The following TCERG1L variants were observed in gnomAD, a reference collection of about 807,000 sequenced individuals.
TCERG1L encodes the protein transcription elongation regulator 1 like, also known as transcription elongation regulator 1-like protein.
In TCERG1L, 37 loss-of-function variants were observed where a neutral mutation model predicts 56.3. That is an observed-to-expected ratio of 0.66 (90% CI 0.51 to 0.87). TCERG1L has a LOEUF of 0.87. TCERG1L is among the 40% of genes least tolerant of loss of function. The probability of loss-of-function intolerance (pLI) is 0.00; values close to 1 mark genes in which losing one functional copy is unlikely to be tolerated. For synonymous variants in TCERG1L, 324 were observed against 326.3 expected (o/e 0.99, Z 0.08); for missense variants, 799 against 774.2 (o/e 1.03, Z -0.38).
At chr10:131,266,590 AGAG>A (rs1174551930) in intron 3 of TCERG1L, among the ~76,000 whole-genome samples, 2 of 152,174 alleles carry the variant, frequency 1.3e-5, no homozygotes, top group Non-Finnish European at 2.9e-5. Flanking sequence ...AGCAAGACAA[AGAG>A]GAGCTTTATT....
intron 4 of TCERG1L, among the ~76,000 whole-genome samples, chr10:131,256,742 G>A (rs932056675): frequency 1.4e-4 from 21 of 151,604 alleles, no homozygotes; most frequent in African/African-American, 4.6e-4. Flanking sequence ...AAATTACCTG[G>A]GCATGGGGGT....
At chr10:131,167,354 A>C (rs1215027064) in intron 4 of TCERG1L, among the ~76,000 whole-genome samples, 1 of 152,182 alleles carries the variant, frequency 6.6e-6, no homozygotes, top group Admixed American at 6.5e-5. Context: ...TGCTGTGCCC[A>C]GGTGTGTGGA....
chr10:131,177,226 A>G (rs1367047518), intron 4 of TCERG1L, among the ~76,000 whole-genome samples: 1 of 152,188 alleles, frequency 6.6e-6, no homozygotes, highest in Non-Finnish European at 1.5e-5. Flanking sequence ...ACATATATGA[A>G]GACACACACA....
intron 4 of TCERG1L, among the ~76,000 whole-genome samples, chr10:131,233,734 C>CA (rs1298026623): frequency 1.3e-5 from 2 of 152,140 alleles, no homozygotes; most frequent in Admixed American, 6.5e-5. Context: ...AGTTACTTAA[C>CA]TCCTGCTATG....
At chr10:131,155,676 C>A (rs952969831) in intron 6 of TCERG1L, among the ~76,000 whole-genome samples, 3 of 152,314 alleles carry the variant, frequency 2.0e-5, no homozygotes, top group Admixed American at 1.3e-4. Flanking sequence ...CGGCCCCATG[C>A]AGGCAGGGGG....
intron 9 of TCERG1L, among the ~76,000 whole-genome samples, chr10:131,107,697 T>A (rs947867389): frequency 5.9e-5 from 9 of 151,766 alleles, no homozygotes; most frequent in African/African-American, 2.2e-4. Context: ...GCCCAGAGAG[T>A]ACATTCCATG....
intron 4 of TCERG1L, among the ~76,000 whole-genome samples, chr10:131,235,170 A>G (rs1314049516): frequency 6.6e-6 from 1 of 152,182 alleles, no homozygotes; most frequent in Non-Finnish European, 1.5e-5. Context: ...TAAAATCATC[A>G]ACCATGAAAA....
rs545427861 is a variant in TCERG1L at position 131,310,995 on chromosome 10, C to T, written c.342+299G>A. Among the ~76,000 whole-genome samples the T allele has an allele frequency of 4.6e-3, 707 of 152,350 alleles. 5 individuals carry two copies. The highest frequency in any genetic ancestry group is 7.6e-3 in the Non-Finnish European group (520 of 68,034). ...TTCAGCACCTCGCGATGGACAGTGACCCCCGGCGTGGCGCGAGTTCCCTGC... is the reference window on the plus strand; with the variant it reads ...TTCAGCACCTCGCGATGGACAGTGATCCCCGGCGTGGCGCGAGTTCCCTGC... On this transcript the variant is annotated intron_variant, in intron 1 of 11. Coordinates refer to ENST00000368642, the MANE Select transcript of TCERG1L (RefSeq NM_174937.4).
At chr10:131,243,003 T>C (rs1435165869) in intron 4 of TCERG1L, among the ~76,000 whole-genome samples, 2 of 152,214 alleles carry the variant, frequency 1.3e-5, no homozygotes, top group African/African-American at 4.8e-5. Context: ...GTCACCATTT[T>C]GTGAAACTCA....
chr10:131,251,310 C>T (rs971172427), intron 4 of TCERG1L, among the ~76,000 whole-genome samples: 2 of 150,364 alleles, frequency 1.3e-5, no homozygotes, highest in Non-Finnish European at 3.0e-5. Flanking sequence ...CCCCTCCCCC[C>T]GGCCCCTCCT....
At chr10:131,158,106 A>G (rs573894224) in intron 6 of TCERG1L, among the ~76,000 whole-genome samples, 4 of 152,388 alleles carry the variant, frequency 2.6e-5, no homozygotes, top group Non-Finnish European at 4.4e-5. Flanking sequence ...AAATTCCCAC[A>G]TAGTTAAGAA....
intron 4 of TCERG1L, among the ~76,000 whole-genome samples, chr10:131,185,694 T>TA (rs1404384559): frequency 6.6e-6 from 1 of 151,918 alleles, no homozygotes; most frequent in African/African-American, 2.4e-5. Flanking sequence ...GAGAACACAT[T>TA]AAACTCACTA....
intron 4 of TCERG1L, among the ~76,000 whole-genome samples, chr10:131,253,565 C>T (rs563110086): frequency 4.6e-5 from 7 of 152,286 alleles, no homozygotes; most frequent in African/African-American, 9.6e-5. Context: ...GCATATTCAG[C>T]GGCTGGGTGA....
intron 3 of TCERG1L, among the ~76,000 whole-genome samples, chr10:131,298,197 C>T (rs1442793609): frequency 2.0e-5 from 3 of 150,548 alleles, no homozygotes; most frequent in East Asian, 3.9e-4. Flanking sequence ...TCCATCTAAG[C>T]TATGTCCCAC....
At chr10:131,165,822 TGTTG>T (rs1212801565) in intron 5 of TCERG1L, among the ~76,000 whole-genome samples, 1 of 152,248 alleles carries the variant, frequency 6.6e-6, no homozygotes, top group Non-Finnish European at 1.5e-5. Flanking sequence ...TATGATTTCC[TGTTG>T]GTGATAAAAA....
intron 6 of TCERG1L, among the ~76,000 whole-genome samples, chr10:131,149,562 C>T (rs922944846): frequency 6.6e-6 from 1 of 152,240 alleles, no homozygotes. Flanking sequence ...CAATAGGGAA[C>T]ATAAGCCCAG....
intron 11 of TCERG1L, 124 bp from the exon 12 acceptor site, chr10:131,093,442 G>C: frequency 2.5e-6 from 3 of 1,198,202 alleles, no homozygotes; most frequent in Non-Finnish European, 3.5e-6. Context: ...GTGGGTGGCA[G>C]GGCACCCGGT....
intron 4 of TCERG1L, among the ~76,000 whole-genome samples, chr10:131,231,057 T>G (rs1845845803): frequency 6.6e-6 from 1 of 150,702 alleles, no homozygotes; most frequent in African/African-American, 2.4e-5. Flanking sequence ...TGCATGACTG[T>G]TAGTATGAGG....
intron 4 of TCERG1L, among the ~76,000 whole-genome samples, chr10:131,239,455 C>T (rs971413457): frequency 4.6e-5 from 7 of 152,176 alleles, no homozygotes; most frequent in South Asian, 2.1e-4. Flanking sequence ...TTATTTATTA[C>T]CTCAAAGAAA....
Sources: gnomAD v4.1 joint callset for allele counts (sites outside exome capture counted in the v4.1 genomes callset) on GRCh38, gnomAD v4.1.1 for gene constraint, MANE v1.5 for transcripts, NCBI Gene and HGNC (gene_info 2026-07-23, HGNC 2026-07-21) for gene names.